Variants in OAS2 observed in about 807,000 individuals in gnomAD.
OAS2 encodes 2'-5'-oligoadenylate synthetase 2, also known as 2'-5'-oligoadenylate synthase 2.
Under a neutral mutation model 71.3 loss-of-function variants are expected in OAS2, and 67 were observed. The observed-to-expected ratio is 0.94, with a 90% CI of 0.77 to 1.15. OAS2 has a LOEUF of 1.15. Ranked by LOEUF, OAS2 falls within the 50% of genes most tolerant of loss-of-function variation. The probability of loss-of-function intolerance (pLI) is 0.00; values close to 1 mark genes in which losing one functional copy is unlikely to be tolerated. For synonymous variants in OAS2, 327 were observed against 321.8 expected (o/e 1.02, Z -0.17); for missense variants, 789 against 822.5 (o/e 0.96, Z 0.50).
Position 113,010,725 on chromosome 12 carries a change from TA to T in OAS2, c.*1471del. ...TGTGCATCTTATTTCTGTCAACTTG[TA>T]TTTTTTTTCTTGTATTTTTCCAATT... On this transcript the variant is annotated 3_prime_UTR_variant, in exon 10 of 10. Transcript: ENST00000392583. 1 of 343,884 alleles carries T rather than the reference TA, an allele frequency of 2.9e-6. No individual in the cohort carries two copies. Among genetic ancestry groups the T allele is most frequent in the Non-Finnish European group, 5.0e-6 (1 of 201,666 alleles). 21.3% of individuals were successfully genotyped at this position (343,884 alleles called of 1,614,324 possible).
intron 2 of OAS2, chr12:112,987,687 A>G (rs1165263227): frequency 5.4e-6 from 6 of 1,107,124 alleles, no homozygotes; most frequent in Non-Finnish European, 6.6e-6. Flanking sequence ...TCCGCAGATC[A>G]TGCTTGCAGG....
chr12:112,997,663 C>T lies in OAS2; in HGVS notation c.771C>T (p.Cys257=). 1.9e-6 allele frequency: 3 copies of T among 1,614,028 alleles called. No homozygotes were observed. Among genetic ancestry groups the T allele is most frequent in the Non-Finnish European group, 2.5e-6 (3 of 1,179,978 alleles). The change falls in exon 4 of 10, where the codon TGC becomes TGT. Residue 257 remains cysteine, a synonymous_variant. Transcript: ENST00000392583. ...GAACCGTACTGGAGCTGATCAAATGCCAGGAGAAGCTGTGTATCTATTGGA... is the reference window on the plus strand; with the variant it reads ...GAACCGTACTGGAGCTGATCAAATGTCAGGAGAAGCTGTGTATCTATTGGA... ...GVRTVLELIK[C]QEKLCIYWMV... is the part of the protein sequence containing the mutation.
At chr12:113,003,738 A>C (rs2136392624) in intron 6 of OAS2, among the ~76,000 whole-genome samples, 1 of 152,244 alleles carries the variant, frequency 6.6e-6, no homozygotes, top group Admixed American at 6.5e-5. Flanking sequence ...CTCTCTGTTT[A>C]CTGGTCACAC....
In OAS2 at chr12:112,997,587, C is replaced by T. The variant is rs377104235; in HGVS notation, c.695C>T (p.Ala232Val). ...GCCCTGGAGCTGCTTACGGTGTATG[C>T]CTGGGAACAGGGGTGCAGAAAAGAC... is the stretch of plus-strand genomic sequence containing the variant. ...PYALELLTVYAWEQGCRKDNF... is the reference protein window; with the variant it reads ...PYALELLTVYVWEQGCRKDNF... Residue 232 changes from alanine to valine, a missense_variant, in exon 4 of 10, where the codon GCC becomes GTC. By Grantham distance (64) the Ala-to-Val change is moderately conservative. Coordinates refer to ENST00000392583, the MANE Select transcript of OAS2 (RefSeq NM_002535.3). The T allele has an allele frequency of 3.1e-6, 5 of 1,614,000 alleles. No homozygotes were observed. The highest frequency in any genetic ancestry group is 3.4e-6 in the Non-Finnish European group (4 of 1,180,000).
At position 113,010,289 on chromosome 12, in the gene OAS2, T is replaced by C; in HGVS notation, c.*1034T>C. The C allele has an allele frequency of 1.3e-6, 2 of 1,505,406 alleles. No homozygotes were observed. The highest frequency in any genetic ancestry group is 1.8e-6 in the Non-Finnish European group (2 of 1,131,328). 93.3% of individuals were successfully genotyped at this position (1,505,406 alleles called of 1,614,324 possible). On this transcript the variant is annotated 3_prime_UTR_variant, in exon 10 of 10. Coordinates refer to ENST00000392583, the MANE Select transcript of OAS2 (RefSeq NM_002535.3). ...CAATAGTTACCTTCCCAGATACAGG[T>C]CCCCCCTTTTTTCCCCTAACTCTTT...
intron 2 of OAS2, among the ~76,000 whole-genome samples, chr12:112,992,735 A>C (rs558742635): frequency 6.6e-6 from 1 of 152,242 alleles, no homozygotes; most frequent in East Asian, 1.9e-4. Context: ...TCCTGGTCCT[A>C]CTACTCACTT....
At chr12:112,995,553 A>T (rs1425697740) in intron 3 of OAS2, 79 bp downstream of exon 3, 2 of 1,333,524 alleles carry the variant, frequency 1.5e-6, no homozygotes, top group Non-Finnish European at 2.1e-6. Flanking sequence ...AAAGTGCAAC[A>T]ATCTTAGGTA....
chr12:112,982,009 T>G (rs1229132612), intron 1 of OAS2, among the ~76,000 whole-genome samples: 1 of 152,132 alleles, frequency 6.6e-6, no homozygotes, highest in Non-Finnish European at 1.5e-5. Flanking sequence ...AGCTAGTTCA[T>G]TACTGATGTG....
chr12:113,000,359 T>C (rs2044271907), intron 5 of OAS2, among the ~76,000 whole-genome samples: 1 of 152,208 alleles, frequency 6.6e-6, no homozygotes, highest in Non-Finnish European at 1.5e-5. Flanking sequence ...TTTGTTCTGC[T>C]ATCCCATCAA....
chr12:112,989,599 G>A (rs1012033100), intron 2 of OAS2, among the ~76,000 whole-genome samples: 1 of 152,222 alleles, frequency 6.6e-6, no homozygotes, highest in Admixed American at 6.5e-5. Flanking sequence ...GGAGACCAAA[G>A]TTTTATCATG....
intron 3 of OAS2, 48 bp downstream of exon 3, chr12:112,995,522 T>C (rs1218262465): frequency 1.6e-5 from 25 of 1,536,684 alleles, no homozygotes; most frequent in Non-Finnish European, 2.2e-5. Context: ...TTCCTTTTTA[T>C]CGAGATAATT....
intron 3 of OAS2, among the ~76,000 whole-genome samples, chr12:112,996,695 A>G (rs890600767): frequency 6.6e-6 from 1 of 152,108 alleles, no homozygotes; most frequent in Admixed American, 6.6e-5. Flanking sequence ...GGTTACAGGC[A>G]AAGCCATAAA....
At chr12:113,000,040 T>C (rs752186864) in intron 5 of OAS2, among the ~76,000 whole-genome samples, 1 of 152,194 alleles carries the variant, frequency 6.6e-6, no homozygotes, top group East Asian at 1.9e-4. Flanking sequence ...CCACCTCACC[T>C]GGCCCATTGT....
intron 7 of OAS2, among the ~76,000 whole-genome samples, chr12:113,005,847 T>A (rs764278360): frequency 7.0e-6 from 1 of 143,412 alleles, no homozygotes; most frequent in Non-Finnish European, 1.5e-5. Flanking sequence ...GCTGTGATCA[T>A]GCCACTGCAC....
intron 5 of OAS2, among the ~76,000 whole-genome samples, chr12:113,000,389 G>A (rs2044272120): frequency 6.6e-6 from 1 of 152,136 alleles, no homozygotes; most frequent in Non-Finnish European, 1.5e-5. Flanking sequence ...TGAGAACTGT[G>A]AGACCATCCC....
Position 113,009,770 on chromosome 12 carries a change from C to T in OAS2, c.*515C>T. 2.0e-6 allele frequency: 2 copies of T among 986,964 alleles called. No homozygotes were observed. The highest frequency in any genetic ancestry group is 4.7e-5 in the South Asian group (1 of 21,322). The allele number at this position is 986,964 out of a possible 1,614,324, so 61.1% of individuals were successfully genotyped here. ...ATTGCTCAGAAATGTCATGTGGCTA[C>T]CTGTAACTTGAAGGTGGCTACAAAG... On this transcript the variant is annotated 3_prime_UTR_variant, in exon 10 of 10. Coordinates refer to ENST00000392583, the MANE Select transcript of OAS2 (RefSeq NM_002535.3).
chr12:113,001,041 G>T (rs565094788), intron 5 of OAS2, among the ~76,000 whole-genome samples: 3 of 152,190 alleles, frequency 2.0e-5, no homozygotes, highest in African/African-American at 7.2e-5. Flanking sequence ...TAAACTTAGT[G>T]GCTTAAAACA....
intron 3 of OAS2, among the ~76,000 whole-genome samples, chr12:112,996,520 G>A (rs978333849): frequency 6.6e-6 from 1 of 151,950 alleles, no homozygotes; most frequent in Non-Finnish European, 1.5e-5. Flanking sequence ...ACCCAACTGG[G>A]GATCTGCCCA....
chr12:113,010,285 C>G lies in OAS2; in HGVS notation c.*1030C>G. On this transcript the variant is annotated 3_prime_UTR_variant, in exon 10 of 10. Coordinates refer to ENST00000392583, the MANE Select transcript of OAS2 (RefSeq NM_002535.3). ...CTGGCAATAGTTACCTTCCCAGATA[C>G]AGGTCCCCCCTTTTTTCCCCTAACT... The G allele has an allele frequency of 6.7e-7, 1 of 1,498,116 alleles. No homozygotes were observed. The highest frequency in any genetic ancestry group is 1.4e-5 in the South Asian group (1 of 71,046). 92.8% of individuals were successfully genotyped at this position (1,498,116 alleles called of 1,614,324 possible).
Sources: gnomAD v4.1 joint callset for allele counts (sites outside exome capture counted in the v4.1 genomes callset) on GRCh38, gnomAD v4.1.1 for gene constraint, MANE v1.5 for transcripts, NCBI Gene and HGNC (gene_info 2026-07-23, HGNC 2026-07-21) for gene names.